RAB7A: variants seen among roughly 807,000 people sequenced by gnomAD.
RAB7A encodes the protein ras-related protein Rab-7a.
Under a neutral mutation model 24.5 loss-of-function variants are expected in RAB7A, and 2 were observed. The ratio of observed to expected loss-of-function variants is 0.08; its 90% CI spans 0.03 to 0.26. RAB7A has a LOEUF of 0.26. Ranked by LOEUF, RAB7A falls within the 10% of genes least tolerant of loss-of-function variation. The pLI is 1.00. For missense variants in RAB7A, 118 were observed against 255.7 expected, an observed-to-expected ratio of 0.46 and a Z score of 3.67; for synonymous variants, 100 against 95.9, an observed-to-expected ratio of 1.04 and a Z score of -0.25.
intron 1 of RAB7A, among the ~76,000 whole-genome samples, chr3:128,751,084 A>G (rs911396861): frequency 6.6e-6 from 1 of 152,224 alleles, no homozygotes; most frequent in African/African-American, 2.4e-5. Flanking sequence ...ATGCATTGAA[A>G]TGCCTGGATG....
At chr3:128,747,970 G>T (rs1049800795) in intron 1 of RAB7A, among the ~76,000 whole-genome samples, 1 of 152,152 alleles carries the variant, frequency 6.6e-6, no homozygotes, top group Non-Finnish European at 1.5e-5. Flanking sequence ...GTTTCACCAT[G>T]TTGGCCAGGC....
chr3:128,742,671 T>C (rs999747432), intron 1 of RAB7A, among the ~76,000 whole-genome samples: 4 of 152,178 alleles, frequency 2.6e-5, no homozygotes, highest in African/African-American at 9.7e-5. Flanking sequence ...TGCTGATTGG[T>C]GCGTTTACAA....
At chr3:128,732,038 CT>C (rs372563051) in intron 1 of RAB7A, among the ~76,000 whole-genome samples, 58 of 142,288 alleles carry the variant, frequency 4.1e-4, no homozygotes, top group African/African-American at 4.6e-4. Context: ...CTTCCACTAC[CT>C]TTTTTTTTTT....
intron 1 of RAB7A, among the ~76,000 whole-genome samples, chr3:128,753,063 T>C (rs2070701786): frequency 2.0e-5 from 3 of 152,218 alleles, no homozygotes. Context: ...ATATCTATTA[T>C]TATAATTTCC....
At chr3:128,736,086 A>C (rs1188046557) in intron 1 of RAB7A, among the ~76,000 whole-genome samples, 1 of 152,064 alleles carries the variant, frequency 6.6e-6, no homozygotes, top group Non-Finnish European at 1.5e-5. Flanking sequence ...GTACATAAAC[A>C]ATGTCTTTAC....
At chr3:128,792,458 G>C (rs1933475581) in intron 1 of RAB7A, among the ~76,000 whole-genome samples, 1 of 151,862 alleles carries the variant, frequency 6.6e-6, no homozygotes, top group African/African-American at 2.4e-5. Context: ...CCAGGCTGGA[G>C]TGCAGTGGTG....
At position 128,814,002 on chromosome 3, in the gene RAB7A, T is replaced by A. The variant is rs1933985241; in HGVS notation, c.*580T>A. 1 of 161,828 alleles carries A rather than the reference T, an allele frequency of 6.2e-6. No individual in the cohort carries two copies. The highest frequency in any genetic ancestry group is 1.4e-5 in the Non-Finnish European group (1 of 72,580). The allele number at this position is 161,828 out of a possible 1,614,324, so 10.0% of individuals were successfully genotyped here. On this transcript the variant is annotated 3_prime_UTR_variant, in exon 6 of 6. Coordinates refer to ENST00000265062, the MANE Select transcript of RAB7A (RefSeq NM_004637.6). Reference sequence around the variant, plus strand: ...TTACTTTTAACTAATCAGATCTTTTTACAGTATCCATTTATTATGTAATGC... The same window carrying A: ...TTACTTTTAACTAATCAGATCTTTTAACAGTATCCATTTATTATGTAATGC...
intron 1 of RAB7A, among the ~76,000 whole-genome samples, chr3:128,781,710 A>AG (rs1468284055): frequency 1.3e-5 from 2 of 151,154 alleles, no homozygotes; most frequent in Non-Finnish European, 2.9e-5. Context: ...AATGTATCTG[A>AG]GGTGAGATTG....
chr3:128,813,658 G>C lies in RAB7A; in HGVS notation c.*236G>C, dbSNP rs867716304. The C allele has an allele frequency of 1.9e-4, 107 of 552,040 alleles. No homozygotes were observed. The highest frequency in any genetic ancestry group is 1.7e-3 in the African/African-American group (91 of 53,144). 34.2% of individuals were successfully genotyped at this position (552,040 alleles called of 1,614,324 possible). ...CAAACTCCAGCCCTTGCCCGTGATG[G>C]CTCCTTGGGGTCTGCCTGCCCACCC... On this transcript the variant is annotated 3_prime_UTR_variant, in exon 6 of 6. Transcript: ENST00000265062.
At chr3:128,809,452 C>G (rs1933871750) in intron 5 of RAB7A, among the ~76,000 whole-genome samples, 1 of 152,184 alleles carries the variant, frequency 6.6e-6, no homozygotes, top group Non-Finnish European at 1.5e-5. Context: ...TGGATTTTCT[C>G]TGCTGCACAC....
intron 1 of RAB7A, among the ~76,000 whole-genome samples, chr3:128,763,872 C>G (rs1188110281): frequency 2.8e-5 from 3 of 105,268 alleles, no homozygotes; most frequent in African/African-American, 7.1e-5. Context: ...CCGCCCCCCC[C>G]CCCGCCCCTG....
intron 5 of RAB7A, among the ~76,000 whole-genome samples, chr3:128,809,934 G>GTTTTTTTTTTTTTTT (rs1231077081): frequency 2.1e-5 from 1 of 47,550 alleles, no homozygotes. Flanking sequence ...TCTTGCCACA[G>GTTTTTTTTTTTTTTT]TCTTTTTTTT....
chr3:128,771,589 G>T (rs1027821220), intron 1 of RAB7A, among the ~76,000 whole-genome samples: 2 of 152,212 alleles, frequency 1.3e-5, no homozygotes, highest in African/African-American at 4.8e-5. Context: ...AGGAGCACAA[G>T]AAAATTAAAC....
intron 4 of RAB7A, among the ~76,000 whole-genome samples, chr3:128,806,830 C>T (rs1409732196): frequency 6.6e-6 from 1 of 152,242 alleles, no homozygotes; most frequent in African/African-American, 2.4e-5. Context: ...GCTGTCTCAG[C>T]TTCACTTCCC....
At chr3:128,774,100 A>G (rs1432568308) in intron 1 of RAB7A, among the ~76,000 whole-genome samples, 3 of 150,936 alleles carry the variant, frequency 2.0e-5, no homozygotes, top group East Asian at 1.9e-4. Context: ...AAAAAAGAAA[A>G]AAAATTTTTT....
intron 1 of RAB7A, among the ~76,000 whole-genome samples, chr3:128,736,014 C>G (rs1379425352): frequency 6.6e-6 from 1 of 152,210 alleles, no homozygotes; most frequent in Non-Finnish European, 1.5e-5. Context: ...CCAAGACACT[C>G]TTCTTTGTGT....
chr3:128,769,738 T>G lies in RAB7A; in HGVS notation c.-8-25622T>G, dbSNP rs139067050. 4.6e-5 allele frequency among the ~76,000 whole-genome samples: 7 copies of G among 152,300 alleles called. No homozygotes were observed. The East Asian group carries it at 1.4e-3, about 29-fold the overall frequency. On this transcript the variant is annotated intron_variant, in intron 1 of 5. Transcript: ENST00000265062. ...GATCTTAGTTGGCTTTTATTTGCAA[T>G]TCGTGAATGAGGGCAGCTTCCATTC...
intron 1 of RAB7A, among the ~76,000 whole-genome samples, chr3:128,763,848 C>G (rs1469772634): frequency 1.4e-5 from 2 of 147,852 alleles, no homozygotes; most frequent in African/African-American, 5.0e-5. Flanking sequence ...TACTGGCATT[C>G]ACCTGTTAGA....
Position 128,807,610 on chromosome 3 carries a change from C to A in RAB7A, c.467C>A (p.Ala156Asp). 6.2e-7 allele frequency: 1 copy of A among 1,614,194 alleles called. No homozygotes were observed. The highest frequency in any genetic ancestry group is 2.2e-5 in the East Asian group (1 of 44,882). The change falls in exon 5 of 6, where the codon GCC (alanine) becomes GAC (aspartate). Residue 156 changes from alanine (A) to aspartate (D), a missense_variant. By Grantham distance (126) the Ala-to-Asp change is moderately radical. Coordinates refer to ENST00000265062, the MANE Select transcript of RAB7A (RefSeq NM_004637.6). ...KNNIPYFETSAKEAINVEQAF... is the reference protein window; with the variant it reads ...KNNIPYFETSDKEAINVEQAF... ...AACATTCCCTACTTTGAGACCAGTGCCAAGGAGGCCATCAACGTGGAGCAG... is the reference window on the plus strand; with the variant it reads ...AACATTCCCTACTTTGAGACCAGTGACAAGGAGGCCATCAACGTGGAGCAG...
Sources: allele counts gnomAD v4.1 joint callset (sites outside exome capture counted in the v4.1 genomes callset), GRCh38; gene constraint gnomAD v4.1.1; transcripts MANE v1.5; gene names NCBI Gene and HGNC (gene_info 2026-07-23, HGNC 2026-07-21).